Variants in ZC3H18 observed in about 807,000 individuals in gnomAD.
The protein encoded by ZC3H18 is zinc finger CCCH domain-containing protein 18.
In ZC3H18, 8 loss-of-function variants were observed where a neutral mutation model predicts 106.1. The observed-to-expected ratio is 0.08, with a 90% CI of 0.04 to 0.14. The LOEUF (loss-of-function observed/expected upper bound fraction) is 0.14. Ranked by LOEUF, ZC3H18 falls within the 10% of genes least tolerant of loss-of-function variation. The pLI is 1.00. For synonymous variants in ZC3H18, 635 were observed against 522.1 expected (o/e 1.22, Z -2.95); for missense variants, 1,318 against 1,278.4 (o/e 1.03, Z -0.47).
rs561171573 is a variant in ZC3H18 at position 88,611,477 on chromosome 16, G to C, written c.1416G>C (p.Arg472=). The C allele has an allele frequency of 6.5e-7, 1 of 1,550,354 alleles. No individual in the cohort carries two copies. The highest frequency in any genetic ancestry group is 8.7e-7 in the Non-Finnish European group (1 of 1,146,100). ...ACCGGCAGCACCGTGACCGCGACCG[G>C]GAGAAGGAGCGGGAGAAGGAGAAGG... ...EKDRQHRDRD[R]EKEREKEKGK... Residue 472 remains arginine (R), a synonymous_variant, in exon 8 of 18, where the codon CGG becomes CGC. Coordinates refer to ENST00000301011, the MANE Select transcript of ZC3H18 (RefSeq NM_144604.4).
At chr16:88,621,093 G>A (rs1905928648) in intron 8 of ZC3H18, among the ~76,000 whole-genome samples, 4 of 152,152 alleles carry the variant, frequency 2.6e-5, no homozygotes, top group African/African-American at 9.7e-5. Context: ...CGCCCAGATT[G>A]GAGGGCAGTG....
At chr16:88,620,734 A>G (rs541281554) in intron 8 of ZC3H18, among the ~76,000 whole-genome samples, 1 of 152,160 alleles carries the variant, frequency 6.6e-6, no homozygotes, top group Non-Finnish European at 1.5e-5. Context: ...AAAATATCTG[A>G]TAACCCACCA....
At chr16:88,590,505 C>T (rs186552165) in intron 3 of ZC3H18, among the ~76,000 whole-genome samples, 58 of 151,488 alleles carry the variant, frequency 3.8e-4, no homozygotes, top group African/African-American at 1.2e-3. Context: ...AAAGTTCTGT[C>T]CACAGAGGAG....
intron 2 of ZC3H18, among the ~76,000 whole-genome samples, chr16:88,578,279 C>A (rs11643150): frequency 2.0e-3 from 298 of 152,280 alleles, no homozygotes; most frequent in Non-Finnish European, 3.0e-3. Flanking sequence ...GTGGTGGGCA[C>A]CTCAACTTCT....
chr16:88,607,095 A>C (rs1222533934), intron 6 of ZC3H18, among the ~76,000 whole-genome samples: 1 of 152,122 alleles, frequency 6.6e-6, no homozygotes, highest in Admixed American at 6.5e-5. Flanking sequence ...CCCTGTGCGC[A>C]GTGGGGAAGA....
intron 1 of ZC3H18, among the ~76,000 whole-genome samples, chr16:88,572,718 T>A (rs1039706690): frequency 6.6e-6 from 1 of 151,974 alleles, no homozygotes; most frequent in African/African-American, 2.4e-5. Flanking sequence ...ACTTCTCATT[T>A]CATTGTCTAC....
At chr16:88,578,463 A>T (rs1914899346) in intron 2 of ZC3H18, among the ~76,000 whole-genome samples, 1 of 151,984 alleles carries the variant, frequency 6.6e-6, no homozygotes, top group Non-Finnish European at 1.5e-5. Context: ...CCTGAGTGAT[A>T]CTTGCCGGAG....
At chr16:88,616,034 G>C (rs769799884) in intron 8 of ZC3H18, among the ~76,000 whole-genome samples, 1 of 152,196 alleles carries the variant, frequency 6.6e-6, no homozygotes, top group Non-Finnish European at 1.5e-5. Flanking sequence ...AGCCTCCCCA[G>C]AGGAAAGCGG....
intron 8 of ZC3H18, among the ~76,000 whole-genome samples, chr16:88,619,371 C>T (rs1194838780): frequency 6.6e-6 from 1 of 152,254 alleles, no homozygotes; most frequent in African/African-American, 2.4e-5. Flanking sequence ...CTGGATAGGA[C>T]CTCCTTGCTC....
At chr16:88,586,806 T>TTGGTGG in intron 3 of ZC3H18, 122 bp downstream of exon 3, 1 of 668,572 alleles carries the variant, frequency 1.5e-6, no homozygotes, top group African/African-American at 1.8e-5. Flanking sequence ...CATTACTGGC[T>TTGGTGG]AGGTGGTGGT....
intron 8 of ZC3H18, among the ~76,000 whole-genome samples, chr16:88,616,256 AAC>A (rs1208492502): frequency 6.6e-6 from 1 of 152,074 alleles, no homozygotes; most frequent in African/African-American, 2.4e-5. Flanking sequence ...CTTAAAATCA[AAC>A]ACAGCTGCTC....
chr16:88,630,621 G>A (rs1376905104), intron 17 of ZC3H18, 40 bp downstream of exon 17: 4 of 1,549,692 alleles, frequency 2.6e-6, no homozygotes, highest in Middle Eastern at 1.9e-4. Flanking sequence ...ACACCGAGGG[G>A]GCCAGCCCCA....
In ZC3H18 at chr16:88,605,022, A is replaced by T. The variant is rs866346632; in HGVS notation, c.1089-3912A>T. 2.0e-5 allele frequency among the ~76,000 whole-genome samples: 3 copies of T among 152,338 alleles called. No individual in the cohort carries two copies. The South Asian group carries it at 6.2e-4, about 32-fold the overall frequency. ...CTTTGGAGTAGGATGTCAGGCTGGG[A>T]TACAGAGGAAACAGAACAGTAATTT... is the stretch of plus-strand genomic sequence containing the variant. On this transcript the variant is annotated intron_variant, in intron 6 of 17. Coordinates refer to ENST00000301011, the MANE Select transcript of ZC3H18 (RefSeq NM_144604.4).
At chr16:88,630,625 A>G (rs1352237990) in intron 17 of ZC3H18, 44 bp downstream of exon 17, 1 of 1,535,940 alleles carries the variant, frequency 6.5e-7, no homozygotes, top group Admixed American at 1.9e-5. Flanking sequence ...CGAGGGGGCC[A>G]GCCCCAGTCG....
At chr16:88,582,520 C>T (rs1481210703) in intron 2 of ZC3H18, among the ~76,000 whole-genome samples, 3 of 152,176 alleles carry the variant, frequency 2.0e-5, no homozygotes, top group African/African-American at 7.2e-5. Flanking sequence ...CTTCAGCGAG[C>T]CTCATGGCTG....
intron 8 of ZC3H18, among the ~76,000 whole-genome samples, chr16:88,617,465 CTTTATA>C (rs1326408617): frequency 6.6e-6 from 1 of 152,252 alleles, no homozygotes; most frequent in Non-Finnish European, 1.5e-5. Flanking sequence ...GAAACCTAAT[CTTTATA>C]GCTAGGCCGA....
intron 16 of ZC3H18, 145 bp downstream of exon 16, chr16:88,628,999 T>G: frequency 4.1e-6 from 3 of 738,836 alleles, no homozygotes; most frequent in Non-Finnish European, 6.7e-6. Flanking sequence ...TGTCGGTATT[T>G]AGGGTGTTGA....
intron 11 of ZC3H18, 164 bp from the exon 12 acceptor site, chr16:88,624,438 T>A (rs1906165070): frequency 6.0e-6 from 7 of 1,161,274 alleles, no homozygotes; most frequent in Non-Finnish European, 8.5e-6. Flanking sequence ...TCCCAAGCAC[T>A]CTGACACCGA....
At chr16:88,610,857 A>G (rs765787804) in intron 7 of ZC3H18, among the ~76,000 whole-genome samples, 7 of 152,246 alleles carry the variant, frequency 4.6e-5, no homozygotes, top group Non-Finnish European at 7.3e-5. Flanking sequence ...CCCAGGCCAC[A>G]CGGCGGAAGG....
Sources: gnomAD v4.1 joint callset for allele counts (sites outside exome capture counted in the v4.1 genomes callset) on GRCh38, gnomAD v4.1.1 for gene constraint, MANE v1.5 for transcripts, NCBI Gene and HGNC (gene_info 2026-07-23, HGNC 2026-07-21) for gene names.